PRKD1: variants seen among roughly 807,000 people sequenced by gnomAD.
PRKD1 encodes the protein serine/threonine-protein kinase D1.
PRKD1 carries 63 observed loss-of-function variants against 95.9 expected under a neutral mutation model. That is an observed-to-expected ratio of 0.66 (90% confidence interval 0.54 to 0.81). The LOEUF (loss-of-function observed/expected upper bound fraction) is 0.81. Ranked by LOEUF, PRKD1 falls within the 30% of genes least tolerant of loss-of-function variation. The pLI is 0.00. For missense variants in PRKD1, 1,048 were observed against 1,165.3 expected (o/e 0.90, Z 1.47); for synonymous variants, 425 against 423.1 (o/e 1.00, Z -0.05).
intron 9 of PRKD1, among the ~76,000 whole-genome samples, chr14:29,632,027 C>T (rs899671888): frequency 6.6e-6 from 1 of 151,812 alleles, no homozygotes; most frequent in South Asian, 2.1e-4. Context: ...TCTAGAACTC[C>T]TGACCTCAAA....
chr14:29,887,082 C>T lies in PRKD1; in HGVS notation c.264+40167G>A, dbSNP rs187565512. 3.0e-4 allele frequency among the ~76,000 whole-genome samples: 45 copies of T among 152,252 alleles called. No individual in the cohort carries two copies. In the East Asian group the frequency reaches 7.9e-3, roughly 27 times the overall value. On this transcript the variant is annotated intron_variant, in intron 1 of 17. Transcript: ENST00000331968. ...GCAATGATGCACCAAAAGTATAATG[C>T]AAAATAAGACTTATGCCTGCTGTCA...
intron 1 of PRKD1, among the ~76,000 whole-genome samples, chr14:29,906,446 G>A (rs1168437818): frequency 1.3e-5 from 2 of 151,964 alleles, no homozygotes; most frequent in African/African-American, 2.4e-5. Flanking sequence ...GCCCAGGCAG[G>A]AAGATCGCTT....
At chr14:29,806,722 C>T (rs1338528757) in intron 1 of PRKD1, among the ~76,000 whole-genome samples, 1 of 152,148 alleles carries the variant, frequency 6.6e-6, no homozygotes, top group Non-Finnish European at 1.5e-5. Context: ...AGACAAAGGA[C>T]TGCCTGTAAG....
intron 1 of PRKD1, among the ~76,000 whole-genome samples, chr14:29,779,768 A>G (rs1294115471): frequency 1.3e-5 from 2 of 152,212 alleles, no homozygotes; most frequent in Non-Finnish European, 2.9e-5. Context: ...GACTTTCTTC[A>G]CAGAATTGGA....
intron 1 of PRKD1, among the ~76,000 whole-genome samples, chr14:29,832,674 T>C (rs2810044): frequency 0.77 from 117,533 of 151,964 alleles, 45,840 homozygotes; most frequent in African/African-American, 0.88. Context: ...GACTAGTTCC[T>C]TTTTTGCATT....
At chr14:29,838,166 T>C (rs1054477893) in intron 1 of PRKD1, among the ~76,000 whole-genome samples, 1 of 152,206 alleles carries the variant, frequency 6.6e-6, no homozygotes, top group Admixed American at 6.5e-5. Flanking sequence ...AGATAGGTTT[T>C]AGGGGGATGA....
chr14:29,656,358 C>T (rs1881837501), intron 4 of PRKD1: 1 of 1,147,658 alleles, frequency 8.7e-7, no homozygotes, highest in Non-Finnish European at 1.2e-6. Context: ...TTGAGCTAAA[C>T]TCTGACCTGA....
At chr14:29,608,402 T>C (rs1454714862) in intron 13 of PRKD1, among the ~76,000 whole-genome samples, 1 of 152,174 alleles carries the variant, frequency 6.6e-6, no homozygotes, top group Non-Finnish European at 1.5e-5. Flanking sequence ...TCATTAATAT[T>C]TTATATTAAC....
At chr14:29,859,727 G>A (rs1405346949) in intron 1 of PRKD1, among the ~76,000 whole-genome samples, 4 of 151,778 alleles carry the variant, frequency 2.6e-5, no homozygotes, top group Non-Finnish European at 4.4e-5. Flanking sequence ...CTCATTATAA[G>A]AATTCGAACA....
At chr14:29,653,822 C>T (rs1881665702) in intron 4 of PRKD1, among the ~76,000 whole-genome samples, 1 of 151,996 alleles carries the variant, frequency 6.6e-6, no homozygotes, top group Admixed American at 6.6e-5. Context: ...ATAAGCAACT[C>T]AATGGAAAAA....
intron 4 of PRKD1, among the ~76,000 whole-genome samples, chr14:29,659,131 G>A (rs187658149): frequency 6.6e-6 from 1 of 152,158 alleles, no homozygotes; most frequent in African/African-American, 2.4e-5. Context: ...AATATTGCCA[G>A]CATCCTAGAA....
intron 1 of PRKD1, among the ~76,000 whole-genome samples, chr14:29,822,301 T>C (rs1254432170): frequency 1.3e-5 from 2 of 152,224 alleles, no homozygotes; most frequent in Non-Finnish European, 2.9e-5. Flanking sequence ...TTCTATAGAA[T>C]CCTTCAAGTG....
intron 1 of PRKD1, among the ~76,000 whole-genome samples, chr14:29,851,477 T>C (rs979782984): frequency 1.3e-5 from 2 of 152,026 alleles, no homozygotes; most frequent in African/African-American, 4.8e-5. Context: ...CGTGAAAAAA[T>C]GCTCACCATC....
chr14:29,623,480 G>T (rs1026845873), intron 13 of PRKD1, among the ~76,000 whole-genome samples: 2 of 152,030 alleles, frequency 1.3e-5, no homozygotes, highest in African/African-American at 4.8e-5. Context: ...TATAAAAATC[G>T]GAATTTATCA....
chr14:29,890,225 A>G (rs1411985720), intron 1 of PRKD1, among the ~76,000 whole-genome samples: 1 of 152,214 alleles, frequency 6.6e-6, no homozygotes, highest in Non-Finnish European at 1.5e-5. Context: ...TATTTCAAGC[A>G]TTTTATTTGT....
chr14:29,699,077 A>G (rs1004048940), intron 2 of PRKD1, among the ~76,000 whole-genome samples: 7 of 152,202 alleles, frequency 4.6e-5, no homozygotes, highest in African/African-American at 1.7e-4. Flanking sequence ...ATGACATATC[A>G]AAATTTGGTT....
At chr14:29,579,876 T>A (rs1892697493) in intron 16 of PRKD1, among the ~76,000 whole-genome samples, 1 of 152,312 alleles carries the variant, frequency 6.6e-6, no homozygotes, top group Non-Finnish European at 1.5e-5. Flanking sequence ...ATTCCAAGCA[T>A]GTGTTCTCAG....
rs756242345 is a variant in PRKD1, at chr14:29,636,267, G to A, written c.1190+23C>T. The A allele has an allele frequency of 2.5e-6, 4 of 1,614,008 alleles. No homozygotes were observed. In the Admixed American group the frequency reaches 6.7e-5, roughly 27 times the overall value. On this transcript the variant is annotated intron_variant, in intron 7 of 17. Transcript: ENST00000331968. ...ACTGCCTGGGGTTCCCCTGTTGGCT[G>A]AGGCTGGGAGTGCTGCTCTCACCTG...
intron 1 of PRKD1, among the ~76,000 whole-genome samples, chr14:29,839,099 A>G (rs1000976396): frequency 7.2e-5 from 11 of 152,208 alleles, no homozygotes; most frequent in African/African-American, 2.7e-4. Flanking sequence ...AAACGAAAAA[A>G]AAAATTCCTC....
Sources: allele counts gnomAD v4.1 joint callset (sites outside exome capture counted in the v4.1 genomes callset), GRCh38; gene constraint gnomAD v4.1.1; transcripts MANE v1.5; gene names NCBI Gene and HGNC (gene_info 2026-07-23, HGNC 2026-07-21).